The following PHTF1 variants were observed in gnomAD, a reference collection of about 807,000 sequenced individuals.
PHTF1 encodes the protein putative homeodomain transcription factor 1, also known as protein PHTF1.
Under a neutral mutation model 102.4 loss-of-function variants are expected in PHTF1, and 88 were observed. The observed-to-expected ratio is 0.86, with a 90% CI of 0.72 to 1.03. The LOEUF (loss-of-function observed/expected upper bound fraction) is 1.03. PHTF1 is among the 50% of genes least tolerant of loss of function. The pLI is 0.00. For synonymous variants in PHTF1, 289 were observed against 305.2 expected (o/e 0.95, Z 0.55); for missense variants, 814 against 909.5 (o/e 0.89, Z 1.35).
intron 5 of PHTF1, among the ~76,000 whole-genome samples, chr1:113,727,355 A>G (rs10858016): frequency 0.64 from 97,276 of 151,936 alleles, 32,474 homozygotes; most frequent in African/African-American, 0.8. Context: ...GAAGACAAGG[A>G]GTTTTGTCTG....
In PHTF1 at chr1:113,742,727, G is replaced by A. The variant is rs74713505; in HGVS notation, c.103-3928C>T. Among the ~76,000 whole-genome samples the A allele has an allele frequency of 5.1e-3, 769 of 152,228 alleles. 2 individuals carry two copies. The highest frequency in any genetic ancestry group is 9.2e-3 in the Non-Finnish European group (625 of 68,012). On this transcript the variant is annotated intron_variant, in intron 3 of 18. Coordinates refer to ENST00000369604, the MANE Select transcript of PHTF1 (RefSeq NM_001323043.2). ...GCTCTGAGTGAGTCAGTGAGTGAGT[G>A]GTAAATGAAAGTGAAAGCCTAGGAC...
intron 3 of PHTF1, among the ~76,000 whole-genome samples, chr1:113,739,802 G>C (rs1656072225): frequency 6.6e-6 from 1 of 152,010 alleles, no homozygotes; most frequent in Non-Finnish European, 1.5e-5. Flanking sequence ...CAACTTTTTA[G>C]CTTCCATGTA....
chr1:113,706,719 G>T lies in PHTF1; in HGVS notation c.1273C>A (p.His425Asn). ...DPKEDVFQQN[H>N]LFWLQNSSPS... is the part of the protein sequence containing the mutation. ...CTTGAATTCTGAAGCCAGAATAAATGATTCTGAGAAGAAAAATATAAAATT... is the reference window on the plus strand; with the variant it reads ...CTTGAATTCTGAAGCCAGAATAAATTATTCTGAGAAGAAAAATATAAAATT... Residue 425 changes from histidine to asparagine, a missense_variant, in exon 12 of 19, where the codon CAT becomes AAT. His to Asn is a moderately conservative substitution (Grantham distance 68, BLOSUM62 1). Coordinates refer to ENST00000369604, the MANE Select transcript of PHTF1 (RefSeq NM_001323043.2). 1 of 1,597,160 alleles carries T rather than the reference G, an allele frequency of 6.3e-7. No individual in the cohort carries two copies. Among genetic ancestry groups the T allele is most frequent in the South Asian group, 1.1e-5 (1 of 88,232 alleles).
chr1:113,712,981 C>T (rs1407076869), intron 8 of PHTF1, among the ~76,000 whole-genome samples: 4 of 151,974 alleles, frequency 2.6e-5, no homozygotes, highest in African/African-American at 7.2e-5. Context: ...TTAGTAGAAA[C>T]GGGGTTTCAC....
intron 3 of PHTF1, among the ~76,000 whole-genome samples, chr1:113,748,705 T>A (rs1657575121): frequency 6.6e-6 from 1 of 152,074 alleles, no homozygotes; most frequent in African/African-American, 2.4e-5. Context: ...AGCTAATTTT[T>A]TTGTATTTTT....
At chr1:113,726,360 A>C in intron 6 of PHTF1, 58 bp downstream of exon 6, 1 of 1,243,394 alleles carries the variant, frequency 8.0e-7, no homozygotes. Flanking sequence ...AGGTTTTATA[A>C]ATCTCTACAA....
At chr1:113,752,423 G>A (rs1184788600) in intron 3 of PHTF1, among the ~76,000 whole-genome samples, 10 of 111,858 alleles carry the variant, frequency 8.9e-5, no homozygotes, top group Admixed American at 3.5e-4. Context: ...TTTTTGAGAC[G>A]GAGTCTCGTT....
chr1:113,723,147 G>C (rs910458230), intron 7 of PHTF1, among the ~76,000 whole-genome samples: 5 of 151,030 alleles, frequency 3.3e-5, no homozygotes, highest in Non-Finnish European at 5.9e-5. Flanking sequence ...TGAGAATCCG[G>C]AAATAGATCC....
At chr1:113,732,454 C>T (rs1654807801) in intron 5 of PHTF1, among the ~76,000 whole-genome samples, 1 of 152,142 alleles carries the variant, frequency 6.6e-6, no homozygotes, top group South Asian at 2.1e-4. Flanking sequence ...CGAGATCACA[C>T]CATTGCACTC....
At chr1:113,750,136 A>C (rs1657831977) in intron 3 of PHTF1, among the ~76,000 whole-genome samples, 1 of 152,068 alleles carries the variant, frequency 6.6e-6, no homozygotes, top group African/African-American at 2.4e-5. Context: ...CTGGGACTAC[A>C]GGCACATGCC....
chr1:113,751,191 CCTA>C (rs1658023384), intron 3 of PHTF1, among the ~76,000 whole-genome samples: 1 of 151,998 alleles, frequency 6.6e-6, no homozygotes, highest in Non-Finnish European at 1.5e-5. Context: ...TATGATTTTT[CCTA>C]CTTTTACTAT....
intron 17 of PHTF1, chr1:113,699,414 CAG>C: frequency 1.8e-6 from 1 of 549,188 alleles, no homozygotes; most frequent in South Asian, 1.6e-5. Flanking sequence ...CCTTGATGCA[CAG>C]AGAAGAGGCA....
chr1:113,732,812 T>C (rs61817586), intron 5 of PHTF1, among the ~76,000 whole-genome samples: 32,991 of 152,044 alleles, frequency 0.22, 4,476 homozygotes, highest in South Asian at 0.39. Context: ...AAATACTTAA[T>C]TTTACCCTTA....
At chr1:113,723,616 A>C (rs1457252362) in intron 7 of PHTF1, among the ~76,000 whole-genome samples, 3 of 152,204 alleles carry the variant, frequency 2.0e-5, no homozygotes, top group Non-Finnish European at 4.4e-5. Flanking sequence ...ACCATATGCA[A>C]AAATCAAATA....
intron 5 of PHTF1, among the ~76,000 whole-genome samples, chr1:113,732,870 C>T (rs1039331779): frequency 1.3e-5 from 2 of 151,876 alleles, no homozygotes; most frequent in Admixed American, 6.6e-5. Flanking sequence ...ATTTTTTGCA[C>T]GTCAAATTAG....
Position 113,741,138 on chromosome 1 carries a change from G to A in PHTF1, c.103-2339C>T, listed in dbSNP as rs539675027. On this transcript the variant is annotated intron_variant, in intron 3 of 18. Transcript: ENST00000369604. ...ATTAATGCCAAAATTAAAGGTTACCGTAATTTGCTGTTTACCTATTACAGA... is the reference window on the plus strand; with the variant it reads ...ATTAATGCCAAAATTAAAGGTTACCATAATTTGCTGTTTACCTATTACAGA... Among the ~76,000 whole-genome samples, 8 of 152,290 alleles carry A rather than the reference G, an allele frequency of 5.3e-5. No individual in the cohort carries two copies. In the East Asian group the frequency reaches 7.7e-4, roughly 15 times the overall value.
At chr1:113,727,997 T>C (rs1292663889) in intron 5 of PHTF1, among the ~76,000 whole-genome samples, 1 of 151,598 alleles carries the variant, frequency 6.6e-6, no homozygotes, top group Non-Finnish European at 1.5e-5. Context: ...AATTGGTTGG[T>C]GAAGCGGAAA....
chr1:113,723,367 A>C (rs1488010962), intron 7 of PHTF1, among the ~76,000 whole-genome samples: 1 of 152,052 alleles, frequency 6.6e-6, no homozygotes, highest in Non-Finnish European at 1.5e-5. Flanking sequence ...TAGTAGAGAC[A>C]AGGTTTGGCC....
Position 113,701,068 on chromosome 1 carries a change from AG to A in PHTF1, c.1891-120del, listed in dbSNP as rs1649388866. On this transcript the variant is annotated intron_variant, in intron 15 of 18. Coordinates refer to ENST00000369604, the MANE Select transcript of PHTF1 (RefSeq NM_001323043.2). ...AATCCAATATTTTAATACTGAAAGC[AG>A]AAGAGCTTTAATACTCATTAACTAT... is the stretch of plus-strand genomic sequence containing the variant. 17 of 737,060 alleles carry A rather than the reference AG, an allele frequency of 2.3e-5. No individual in the cohort carries two copies. In the South Asian group the frequency reaches 2.8e-4, roughly 12 times the overall value. The allele number at this position is 737,060 out of a possible 1,614,324, so 45.7% of individuals were successfully genotyped here. A position where few individuals can be genotyped will look rare whatever the true frequency, so the allele number is the denominator to read the frequency against.
Sources: allele counts gnomAD v4.1 joint callset (sites outside exome capture counted in the v4.1 genomes callset), GRCh38; gene constraint gnomAD v4.1.1; transcripts MANE v1.5; gene names NCBI Gene and HGNC (gene_info 2026-07-23, HGNC 2026-07-21).